Variants in KCNJ3 observed in about 807,000 individuals in gnomAD.
The protein encoded by KCNJ3 is G protein-activated inward rectifier potassium channel 1.
A neutral mutation model predicts 39.2 loss-of-function variants in KCNJ3; 4 were observed. The observed-to-expected ratio is 0.10, with a 90% CI of 0.05 to 0.23. The LOEUF (loss-of-function observed/expected upper bound fraction) is 0.23, where lower values mean the gene tolerates loss of function less well. KCNJ3 is among the 10% of genes least tolerant of loss of function. The pLI is 1.00. For missense variants in KCNJ3, 276 were observed against 634.9 expected, an observed-to-expected ratio of 0.43 and a Z score of 6.08; for synonymous variants, 230 against 237.4, an observed-to-expected ratio of 0.97 and a Z score of 0.29.
At chr2:154,737,544 T>C (rs1242563605) in intron 2 of KCNJ3, among the ~76,000 whole-genome samples, 2 of 152,140 alleles carry the variant, frequency 1.3e-5, no homozygotes, top group Non-Finnish European at 2.9e-5. Flanking sequence ...TTAAGACAGT[T>C]ATTAAAACTA....
intron 2 of KCNJ3, among the ~76,000 whole-genome samples, chr2:154,773,508 G>A (rs563243592): frequency 6.6e-5 from 10 of 152,122 alleles, no homozygotes; most frequent in East Asian, 1.9e-4. Flanking sequence ...CTTTGTTCTC[G>A]GAATAATTTC....
chr2:154,791,629 C>G (rs761098203), intron 2 of KCNJ3, among the ~76,000 whole-genome samples: 10 of 151,960 alleles, frequency 6.6e-5, no homozygotes, highest in Non-Finnish European at 1.0e-4. Context: ...GGTATAAAAG[C>G]TCTGAAATAG....
chr2:154,824,979 T>G (rs1687243805), intron 2 of KCNJ3, among the ~76,000 whole-genome samples: 3 of 152,246 alleles, frequency 2.0e-5, no homozygotes, highest in Admixed American at 2.0e-4. Context: ...GTTGCAGTCC[T>G]GCGCAATCCG....
At chr2:154,843,193 T>A (rs999424538) in intron 2 of KCNJ3, among the ~76,000 whole-genome samples, 2 of 152,332 alleles carry the variant, frequency 1.3e-5, no homozygotes, top group South Asian at 4.1e-4. Context: ...CCTTCACTTA[T>A]GAAGCTTAGT....
intron 2 of KCNJ3, among the ~76,000 whole-genome samples, chr2:154,764,534 T>A (rs2937609): frequency 5.3e-5 from 8 of 152,042 alleles, no homozygotes; most frequent in Non-Finnish European, 5.9e-5. Flanking sequence ...GCACACTCAC[T>A]TTTTTGATTA....
At chr2:154,781,405 TAATAGA>T (rs1686434861) in intron 2 of KCNJ3, among the ~76,000 whole-genome samples, 1 of 152,176 alleles carries the variant, frequency 6.6e-6, no homozygotes, top group Admixed American at 6.5e-5. Flanking sequence ...AGTTTGCAAC[TAATAGA>T]TGAATACGAA....
At chr2:154,727,591 C>CAAAAAAAAAA (rs546038652) in intron 2 of KCNJ3, among the ~76,000 whole-genome samples, 2 of 91,334 alleles carry the variant, frequency 2.2e-5, no homozygotes, top group Non-Finnish European at 4.5e-5. Context: ...GAAACTCCGT[C>CAAAAAAAAAA]AAAAAAAAAA....
intron 1 of KCNJ3, among the ~76,000 whole-genome samples, chr2:154,701,673 A>C (rs900708390): frequency 3.3e-5 from 5 of 152,114 alleles, no homozygotes; most frequent in Non-Finnish European, 7.4e-5. Context: ...AAGGTGATAA[A>C]AACATCTAGT....
At chr2:154,746,870 A>G (rs1235754548) in intron 2 of KCNJ3, among the ~76,000 whole-genome samples, 1 of 151,820 alleles carries the variant, frequency 6.6e-6, no homozygotes, top group Non-Finnish European at 1.5e-5. Context: ...ATTACATCAT[A>G]ATAATATGGA....
intron 2 of KCNJ3, among the ~76,000 whole-genome samples, chr2:154,782,908 G>A (rs1347906546): frequency 6.6e-6 from 1 of 152,140 alleles, no homozygotes; most frequent in Non-Finnish European, 1.5e-5. Flanking sequence ...CAGGTGTGGT[G>A]CCTCACACCT....
At chr2:154,729,040 A>G (rs1290222415) in intron 2 of KCNJ3, among the ~76,000 whole-genome samples, 2 of 152,122 alleles carry the variant, frequency 1.3e-5, no homozygotes, top group Non-Finnish European at 1.5e-5. Flanking sequence ...AGCTTTGAGG[A>G]CTAACTATGT....
At chr2:154,712,112 T>G (rs1685110069) in intron 2 of KCNJ3, among the ~76,000 whole-genome samples, 1 of 152,208 alleles carries the variant, frequency 6.6e-6, no homozygotes, top group South Asian at 2.1e-4. Flanking sequence ...AAAATTTATC[T>G]GACATTTTGT....
chr2:154,708,591 T>C (rs1420616551), intron 1 of KCNJ3, among the ~76,000 whole-genome samples: 1 of 152,192 alleles, frequency 6.6e-6, no homozygotes, highest in Non-Finnish European at 1.5e-5. Context: ...CCTAACTACC[T>C]AGCCCTTATT....
At chr2:154,844,567 A>T (rs1257155670) in intron 2 of KCNJ3, among the ~76,000 whole-genome samples, 2 of 152,192 alleles carry the variant, frequency 1.3e-5, no homozygotes, top group African/African-American at 4.8e-5. Context: ...TGGAGTCTAG[A>T]GGCAGTGGAC....
intron 2 of KCNJ3, among the ~76,000 whole-genome samples, chr2:154,834,020 C>T (rs1377109448): frequency 2.0e-5 from 3 of 152,148 alleles, no homozygotes; most frequent in Admixed American, 1.3e-4. Flanking sequence ...ATGGACATAA[C>T]TGTCCAGTTA....
intron 2 of KCNJ3, among the ~76,000 whole-genome samples, chr2:154,792,168 A>G (rs1308595449): frequency 6.6e-6 from 1 of 151,826 alleles, no homozygotes; most frequent in Non-Finnish European, 1.5e-5. Context: ...TTTTCTCAGG[A>G]TTGTTTATGC....
At chr2:154,734,637 A>G (rs1228614700) in intron 2 of KCNJ3, among the ~76,000 whole-genome samples, 1 of 152,156 alleles carries the variant, frequency 6.6e-6, no homozygotes, top group Non-Finnish European at 1.5e-5. Flanking sequence ...TCACCCCTCT[A>G]CTATTAATTC....
intron 2 of KCNJ3, among the ~76,000 whole-genome samples, chr2:154,779,688 C>A (rs185474143): frequency 6.6e-6 from 1 of 151,424 alleles, no homozygotes; most frequent in African/African-American, 2.4e-5. Flanking sequence ...GGGCTACAGG[C>A]GCATGCCACC....
In KCNJ3 at chr2:154,699,633, A is replaced by G. The variant is rs1177424136; in HGVS notation, c.702+156A>G. 1 of 634,360 alleles carries G rather than the reference A, an allele frequency of 1.6e-6. No homozygotes were observed. Among genetic ancestry groups the G allele is most frequent in the Admixed American group, 6.3e-5 (1 of 15,814 alleles). The allele number at this position is 634,360 out of a possible 1,614,324, so 39.3% of individuals were successfully genotyped here. The stretch of plus-strand genomic sequence containing the variant: ...GGGTTGGGGGTTGGAGGACTGGGCA[A>G]AGAATGCGGTTGACAGTTCTGTTCC... On this transcript the variant is annotated intron_variant, in intron 1 of 2. Coordinates refer to ENST00000295101, the MANE Select transcript of KCNJ3 (RefSeq NM_002239.4). The surrounding 1 kb of genome is among the most constrained non-coding windows in gnomAD (Gnocchi z 6.4).
Sources: gnomAD v4.1 joint callset for allele counts (sites outside exome capture counted in the v4.1 genomes callset) on GRCh38, gnomAD v4.1.1 for gene constraint, Gnocchi (gnomAD v3.1) non-coding constraint, MANE v1.5 for transcripts, NCBI Gene and HGNC (gene_info 2026-07-23, HGNC 2026-07-21) for gene names.